The following PSPC1 variants were observed in gnomAD, a reference collection of about 807,000 sequenced individuals.
The protein encoded by PSPC1 is paraspeckle component 1, also known as paraspeckle protein 1.
Under a neutral mutation model 51.6 loss-of-function variants are expected in PSPC1, and 14 were observed. The observed-to-expected ratio is 0.27, with a 90% confidence interval of 0.18 to 0.42. The LOEUF (loss-of-function observed/expected upper bound fraction) is 0.42. PSPC1 is among the 10% of genes least tolerant of loss of function. PSPC1 has a pLI of 1.00. For missense variants in PSPC1, 406 were observed against 701.1 expected (o/e 0.58, Z 4.75); for synonymous variants, 193 against 231.9 (o/e 0.83, Z 1.53).
At chr13:19,765,143 G>A (rs1436663674) in intron 2 of PSPC1, among the ~76,000 whole-genome samples, 1 of 151,540 alleles carries the variant, frequency 6.6e-6, no homozygotes, top group Non-Finnish European at 1.5e-5. Flanking sequence ...GACAAACATG[G>A]TGAAACCCTG....
downstream of PSPC1, chr13:19,671,989 G>A (rs1219360095): frequency 9.3e-7 from 1 of 1,077,192 alleles, no homozygotes; most frequent in African/African-American, 1.6e-5. Context: ...TAAACCTCTT[G>A]CAGTTAAGCC....
chr13:19,781,349 G>A (rs552182304), intron 1 of PSPC1, among the ~76,000 whole-genome samples: 2 of 151,980 alleles, frequency 1.3e-5, no homozygotes, highest in South Asian at 2.1e-4. Flanking sequence ...ATGGAGTTTC[G>A]CCATGTTGGC....
chr13:19,696,001 G>A (rs1367732324), intron 6 of PSPC1, among the ~76,000 whole-genome samples: 1 of 152,144 alleles, frequency 6.6e-6, no homozygotes, highest in South Asian at 2.1e-4. Flanking sequence ...GCCTAATGTC[G>A]TAGACCTGGG....
intron 4 of PSPC1, among the ~76,000 whole-genome samples, chr13:19,745,652 C>T (rs1311117308): frequency 6.7e-6 from 1 of 148,356 alleles, no homozygotes; most frequent in Non-Finnish European, 1.5e-5. Context: ...GGGAGTCTCG[C>T]TCTGTCGCCC....
At chr13:19,672,041 T>C (rs1876159984), downstream of PSPC1, 2 of 655,226 alleles carry the variant, frequency 3.1e-6, no homozygotes, top group East Asian at 5.4e-5. Context: ...TAGCTGTGTC[T>C]GTGCCAGTAT....
intron 1 of PSPC1, among the ~76,000 whole-genome samples, chr13:19,777,046 C>G (rs1593785981): frequency 6.8e-6 from 1 of 146,354 alleles, no homozygotes; most frequent in Middle Eastern, 3.7e-3. Context: ...ATCGCTTGAA[C>G]CTGGGGAGGC....
intron 6 of PSPC1, among the ~76,000 whole-genome samples, chr13:19,689,290 T>TAA (rs1184396129): frequency 1.3e-5 from 2 of 152,154 alleles, no homozygotes; most frequent in African/African-American, 4.8e-5. Flanking sequence ...AACAGGATGA[T>TAA]AACGAGGATG....
At chr13:19,742,042 G>C (rs1292662121) in intron 4 of PSPC1, among the ~76,000 whole-genome samples, 1 of 152,122 alleles carries the variant, frequency 6.6e-6, no homozygotes, top group African/African-American at 2.4e-5. Context: ...TGAGGCAGGA[G>C]AATCACTTGA....
intron 4 of PSPC1, among the ~76,000 whole-genome samples, chr13:19,746,261 C>T (rs1417582663): frequency 1.3e-5 from 2 of 151,646 alleles, no homozygotes; most frequent in Admixed American, 6.6e-5. Flanking sequence ...AATTAGCCGA[C>T]TGTGGTGGCA....
At chr13:19,677,479 A>T (rs865990082) in intron 7 of PSPC1, among the ~76,000 whole-genome samples, 1 of 152,214 alleles carries the variant, frequency 6.6e-6, no homozygotes, top group Non-Finnish European at 1.5e-5. Context: ...GGCGAAGCTG[A>T]GAGTCCCCTC....
intron 2 of PSPC1, among the ~76,000 whole-genome samples, chr13:19,761,125 A>G (rs539187426): frequency 1.3e-5 from 2 of 152,308 alleles, no homozygotes; most frequent in East Asian, 1.9e-4. Context: ...AACCTGGGCA[A>G]TAAGGCAAGA....
chr13:19,736,662 G>A (rs529813764), intron 5 of PSPC1, among the ~76,000 whole-genome samples: 53 of 152,226 alleles, frequency 3.5e-4, no homozygotes, highest in Non-Finnish European at 6.6e-4. Context: ...CAGCCTGGGC[G>A]ACAGAGTGAG....
chr13:19,671,519 A>G (rs558736418), downstream of PSPC1, among the ~76,000 whole-genome samples: 8 of 152,320 alleles, frequency 5.3e-5, no homozygotes, highest in South Asian at 1.7e-3. Flanking sequence ...TCTCTAGAGG[A>G]TGGAGCCATC....
chr13:19,704,019 T>A (rs1228315183), intron 8 of PSPC1, among the ~76,000 whole-genome samples: 2 of 152,246 alleles, frequency 1.3e-5, no homozygotes, highest in Non-Finnish European at 2.9e-5. Context: ...TACATATTAA[T>A]CTGAAAGGTT....
chr13:19,746,726 T>C (rs925520885), intron 4 of PSPC1, among the ~76,000 whole-genome samples: 2 of 151,984 alleles, frequency 1.3e-5, no homozygotes, highest in Admixed American at 1.3e-4. Flanking sequence ...TTTAATGTAA[T>C]GGGAGTTGAA....
Position 19,782,287 on chromosome 13 carries a change from G to A in PSPC1, c.372+99C>T, listed in dbSNP as rs541856545. 5.3e-5 allele frequency: 77 copies of A among 1,453,726 alleles called. No homozygotes were observed. Among genetic ancestry groups the A allele is most frequent in the Admixed American group, 1.8e-4 (7 of 39,636 alleles). The allele number at this position is 1,453,726 out of a possible 1,614,324, so 90.1% of individuals were successfully genotyped here. A position where few individuals can be genotyped will look rare whatever the true frequency, so the allele number is the denominator to read the frequency against. On this transcript the variant is annotated intron_variant, in intron 1 of 8. Transcript: ENST00000338910. This position sits in a 1 kb window ranked among gnomAD's most constrained non-coding sequence, Gnocchi z 4.5. ...CCGAGCGGCGCCACGGTTGCCACAG[G>A]TTGAGACAGCGTCCTAGGACGAGGC...
At chr13:19,691,687 G>A (rs1427285030) in intron 6 of PSPC1, among the ~76,000 whole-genome samples, 1 of 152,172 alleles carries the variant, frequency 6.6e-6, no homozygotes, top group Non-Finnish European at 1.5e-5. Flanking sequence ...GGGAGGCCGA[G>A]GTAGGCGGAT....
intron 6 of PSPC1, among the ~76,000 whole-genome samples, chr13:19,690,142 A>G (rs1057355845): frequency 2.0e-5 from 3 of 152,194 alleles, no homozygotes; most frequent in South Asian, 2.1e-4. Context: ...AATATATCCA[A>G]TGTATCAAAA....
At chr13:19,758,770 G>A (rs577058007) in intron 3 of PSPC1, among the ~76,000 whole-genome samples, 129 of 151,902 alleles carry the variant, frequency 8.5e-4, no homozygotes, top group Non-Finnish European at 1.2e-3. Context: ...GGGAGGTGGA[G>A]GTTGCAGTGA....
Sources: allele counts gnomAD v4.1 joint callset (sites outside exome capture counted in the v4.1 genomes callset), GRCh38; gene constraint gnomAD v4.1.1; non-coding constraint Gnocchi (gnomAD v3.1); transcripts MANE v1.5; gene names NCBI Gene and HGNC (gene_info 2026-07-23, HGNC 2026-07-21).